Variants in DST observed in about 807,000 individuals in gnomAD.
DST encodes the protein bullous pemphigoid antigen.
In DST, 253 loss-of-function variants were observed where a neutral mutation model predicts 875.2. That is an observed-to-expected ratio of 0.29 (90% CI 0.26 to 0.32). The LOEUF is 0.32. Ranked by LOEUF, DST falls within the 10% of genes least tolerant of loss-of-function variation. The pLI is 1.00. For missense variants in DST, 8,287 were observed against 9,111.6 expected (o/e 0.91, Z 3.68); for synonymous variants, 3,124 against 3,197.1 (o/e 0.98, Z 0.77).
intron 37 of DST, 44 bp downstream of exon 37, chr6:56,614,312 C>T (rs1350952162): frequency 9.1e-6 from 14 of 1,530,736 alleles, no homozygotes; most frequent in Admixed American, 2.0e-5. Flanking sequence ...CAGTTAACGT[C>T]CCTGCTATTA....
At position 56,492,300 on chromosome 6, in the gene DST, C is replaced by T. The variant is rs371273718; in HGVS notation, c.20684G>A (p.Arg6895Gln). Reference protein sequence around the residue: ...IKNLLISVQSRWEKVVQRLVE... With the variant: ...IKNLLISVQSQWEKVVQRLVE... ...CAACCGTTGAACCACTTTTTCCCAT[C>T]GACTTTGTACACTGATAAGTAGATT... is the stretch of plus-strand genomic sequence containing the variant. The change falls in exon 85 of 104, where the codon CGA becomes CAA. Residue 6895 changes from arginine (R) to glutamine (Q), a missense_variant. Transcript: ENST00000680361. 11 of 1,613,728 alleles carry T rather than the reference C, an allele frequency of 6.8e-6. No individual in the cohort carries two copies. The South Asian group carries it at 7.7e-5, about 11-fold the overall frequency.
chr6:56,521,235 TA>T (rs2096693568), intron 69 of DST, among the ~76,000 whole-genome samples: 1 of 152,086 alleles, frequency 6.6e-6, no homozygotes, highest in African/African-American at 2.4e-5. Flanking sequence ...GTGATTCATT[TA>T]AAGAATATAA....
intron 4 of DST, among the ~76,000 whole-genome samples, chr6:56,783,613 T>G (rs1472503752): frequency 2.0e-5 from 3 of 152,152 alleles, no homozygotes; most frequent in Admixed American, 6.5e-5. Context: ...TGAGCCTATG[T>G]GTGTCTCTGC....
Position 56,463,687 on chromosome 6 carries a change from G to A in DST, c.22837C>T (p.Arg7613Ter). 1 of 1,613,938 alleles carries A rather than the reference G, an allele frequency of 6.2e-7. No homozygotes were observed. The highest frequency in any genetic ancestry group is 8.5e-7 in the Non-Finnish European group (1 of 1,179,878). The change falls in exon 101 of 104, where the codon CGA becomes TGA. Residue 7613 changes from arginine to a stop codon, truncating the protein, a stop_gained. Transcript: ENST00000680361. LOFTEE classifies it high-confidence loss of function. ...GGCCGGGATCTTCGGCCTCGGGGTC[G>A]GAAAGCAGCCATACCCTGGCTGGCA... ...DGASQGMAAF[R>*]PRGRRSRPSS...
In DST at chr6:56,552,883, T is replaced by C. The variant is rs1044253548; in HGVS notation, c.15909A>G (p.Gly5303=). ...KEQLDIHDSL[G]SQAYSNKYLT... ...GGTATTTGTTACTGTAAGCCTGGGATCCCAGCGAATCATGGATATCTAGCT... is the reference window on the plus strand; with the variant it reads ...GGTATTTGTTACTGTAAGCCTGGGACCCCAGCGAATCATGGATATCTAGCT... Residue 5303 remains glycine (G), a synonymous_variant, in exon 61 of 104, where the codon GGA becomes GGG. Coordinates refer to ENST00000680361, the MANE Select transcript of DST (RefSeq NM_001374736.1). 2 of 1,613,884 alleles carry C rather than the reference T, an allele frequency of 1.2e-6. No homozygotes were observed. Among genetic ancestry groups the C allele is most frequent in the African/African-American group, 2.7e-5 (2 of 74,942 alleles).
intron 4 of DST, among the ~76,000 whole-genome samples, chr6:56,749,958 C>T (rs894083910): frequency 6.6e-6 from 1 of 152,184 alleles, no homozygotes; most frequent in Non-Finnish European, 1.5e-5. Context: ...GAACCACACT[C>T]AACACAACCA....
intron 49 of DST, 85 bp from the exon 50 acceptor site, chr6:56,579,022 A>G: frequency 8.2e-7 from 1 of 1,223,340 alleles, no homozygotes; most frequent in Non-Finnish European, 1.1e-6. Flanking sequence ...CTAATAAGAT[A>G]AAGTAAAATT....
At chr6:56,683,912 A>T (rs2099168624) in intron 9 of DST, among the ~76,000 whole-genome samples, 1 of 152,216 alleles carries the variant, frequency 6.6e-6, no homozygotes, top group African/African-American at 2.4e-5. Flanking sequence ...TCACTTATCT[A>T]AAAAAATTTC....
chr6:56,752,348 T>C (rs1322793321), intron 4 of DST, among the ~76,000 whole-genome samples: 2 of 152,086 alleles, frequency 1.3e-5, no homozygotes, highest in East Asian at 3.8e-4. Flanking sequence ...AAGGTACAAC[T>C]AACATAAAAT....
intron 4 of DST, among the ~76,000 whole-genome samples, chr6:56,849,863 G>A (rs1219037461): frequency 6.6e-6 from 1 of 152,128 alleles, no homozygotes; most frequent in Non-Finnish European, 1.5e-5. Context: ...ACATAGAACA[G>A]GTATCCCATT....
intron 2 of DST, among the ~76,000 whole-genome samples, chr6:56,914,499 G>C (rs1311603386): frequency 6.6e-6 from 1 of 152,136 alleles, no homozygotes; most frequent in Non-Finnish European, 1.5e-5. Context: ...GGACAACTCT[G>C]AAACTTCCTG....
rs375691886 is a variant in DST at position 56,587,714 on chromosome 6, C to T, written c.12903+4468G>A. The stretch of plus-strand genomic sequence containing the variant: ...CCCATCAGACTAACAGCAGATCTCT[C>T]GGCAGAAACTCTACAAGCCAGAAGA... On this transcript the variant is annotated intron_variant, in intron 49 of 103. Coordinates refer to ENST00000680361, the MANE Select transcript of DST (RefSeq NM_001374736.1). Among the ~76,000 whole-genome samples the T allele has an allele frequency of 5.1e-4, 77 of 152,214 alleles. 1 individual carries two copies. In the East Asian group the frequency reaches 9.5e-3, roughly 19 times the overall value.
intron 4 of DST, among the ~76,000 whole-genome samples, chr6:56,746,211 C>A (rs1206450745): frequency 3.9e-5 from 6 of 152,102 alleles, no homozygotes; most frequent in African/African-American, 1.4e-4. Flanking sequence ...GTCTCCAACT[C>A]CTGGCCTCAA....
chr6:56,650,554 T>A lies in DST; in HGVS notation c.1434+372A>T, dbSNP rs186684611. On this transcript the variant is annotated intron_variant, in intron 12 of 103. Transcript: ENST00000680361. ...ATAGAATCGTATGAAGTAACAAATT[T>A]GAAATTGTTTTCAAAACTGAGATAT... Among the ~76,000 whole-genome samples, 6 of 152,266 alleles carry A rather than the reference T, an allele frequency of 3.9e-5. No individual in the cohort carries two copies. The East Asian group carries it at 1.2e-3, about 29-fold the overall frequency.
At chr6:56,784,256 A>C (rs2099700359) in intron 4 of DST, among the ~76,000 whole-genome samples, 1 of 152,118 alleles carries the variant, frequency 6.6e-6, no homozygotes, top group African/African-American at 2.4e-5. Context: ...TATTTCCTGA[A>C]TCTGAATGTT....
In DST at chr6:56,498,065, A is replaced by C. The variant is rs760098527; in HGVS notation, c.19897-12T>G. On this transcript the variant is annotated splice_polypyrimidine_tract_variant and intron_variant, in intron 80 of 103. Coordinates refer to ENST00000680361, the MANE Select transcript of DST (RefSeq NM_001374736.1). ...TCATTTTGGAGCACCTGAAAATATA[A>C]AGATAACACCATGTTTGCTAGTTTG... 1 of 1,606,454 alleles carries C rather than the reference A, an allele frequency of 6.2e-7. No individual in the cohort carries two copies. The highest frequency in any genetic ancestry group is 1.1e-5 in the South Asian group (1 of 89,934).
intron 13 of DST, 24 bp downstream of exon 13, chr6:56,648,546 T>C (rs774912712): frequency 9.1e-6 from 14 of 1,546,918 alleles, no homozygotes; most frequent in Middle Eastern, 1.8e-4. Context: ...ATCAATCCTA[T>C]GTAATTTCTA....
At chr6:56,931,034 G>T (rs539431897) in intron 2 of DST, among the ~76,000 whole-genome samples, 19 of 152,306 alleles carry the variant, frequency 1.2e-4, no homozygotes, top group South Asian at 6.2e-4. Flanking sequence ...CTGCCTCACT[G>T]TCAGTCATTT....
At chr6:56,715,882 T>C (rs2099392924) in intron 5 of DST, among the ~76,000 whole-genome samples, 2 of 152,178 alleles carry the variant, frequency 1.3e-5, no homozygotes, top group African/African-American at 4.8e-5. Context: ...CCTCTAAAAT[T>C]TCCTATACGC....
Sources: allele counts gnomAD v4.1 joint callset (sites outside exome capture counted in the v4.1 genomes callset), GRCh38; gene constraint gnomAD v4.1.1; transcripts MANE v1.5; gene names NCBI Gene and HGNC (gene_info 2026-07-23, HGNC 2026-07-21).